TAS2R14: variants seen among roughly 807,000 people sequenced by gnomAD.
The protein encoded by TAS2R14 is taste receptor type 2 member 14.
For missense variants in TAS2R14, 383 were observed against 372.0 expected (o/e 1.03, Z -0.24); for synonymous variants, 131 against 131.0 (o/e 1.00, Z 0.00).
intron 4 of TAS2R14, chr12:10,938,702 G>C (rs1950337179): frequency 3.7e-6 from 6 of 1,613,810 alleles, no homozygotes. Context: ...AAAGTTACTT[G>C]AATCAGAACT....
chr12:10,938,409 C>T (rs1030589714), exon 1 of TAS2R14: 2 of 1,613,934 alleles, frequency 1.2e-6, no homozygotes, highest in Non-Finnish European at 1.7e-6. Flanking sequence ...ATTCCCATCA[C>T]CTGGGAAAGA....
chr12:10,937,794 C>G (rs3851585), exon 1 of TAS2R14: 3,011 of 152,596 alleles, frequency 0.02, 35 homozygotes, highest in South Asian at 0.031. Flanking sequence ...AAGCAAATTA[C>G]TTTTTTGCAT....
chr12:10,938,499 A>G (rs1836537118), exon 1 of TAS2R14: 1 of 1,613,972 alleles, frequency 6.2e-7, no homozygotes. Flanking sequence ...TAGAGTAGGA[A>G]GAAAGTGATC....
chr12:10,938,262 A>T, exon 1 of TAS2R14: 3 of 1,581,460 alleles, frequency 1.9e-6, no homozygotes, highest in Non-Finnish European at 2.6e-6. Flanking sequence ...ATTCAAGATG[A>T]TTCTCTAAAT....
chr12:10,938,708 G>A (rs1356632730), exon 1 of TAS2R14: 1 of 1,613,872 alleles, frequency 6.2e-7, no homozygotes, highest in East Asian at 2.2e-5. Context: ...ACTTGAATCA[G>A]AACTGCAAGT....
exon 1 of TAS2R14, chr12:10,938,305 C>G: frequency 6.2e-7 from 1 of 1,613,474 alleles, no homozygotes; most frequent in South Asian, 1.1e-5. Flanking sequence ...CATCTTTGAA[C>G]ATGTACCTCA....
chr12:10,939,152 A>G (rs772834622), exon 1 of TAS2R14: 8 of 1,602,474 alleles, frequency 5.0e-6, no homozygotes, highest in South Asian at 3.4e-5. Context: ...TAAATTTCCA[A>G]TTATAAATTC....
chr12:10,939,208 T>C (rs377396542), exon 1 of TAS2R14: 2 of 1,532,566 alleles, frequency 1.3e-6, no homozygotes, highest in Non-Finnish European at 1.8e-6. Flanking sequence ...CACCACCCAT[T>C]GCCTGTAAGA....
At chr12:10,938,381 T>C in exon 1 of TAS2R14, 1 of 1,613,824 alleles carries the variant, frequency 6.2e-7, no homozygotes, top group Non-Finnish European at 8.5e-7. Context: ...AACACATGAG[T>C]GACATGAAGG....
exon 5 of TAS2R14, chr12:10,938,285 G>C (rs982776314): frequency 6.2e-7 from 1 of 1,607,538 alleles, no homozygotes; most frequent in African/African-American, 1.3e-5. Flanking sequence ...TTTGTGACCT[G>C]AGGGCTCCCC....
At chr12:10,938,343 G>C (rs762552846) in exon 1 of TAS2R14, 124 of 1,613,886 alleles carry the variant, frequency 7.7e-5, no homozygotes, top group Non-Finnish European at 1.0e-4. Context: ...AGAGAGGCCT[G>C]TCTCAGCTTC....
chr12:10,938,016 T>C (rs1950317604), exon 1 of TAS2R14: 4 of 380,774 alleles, frequency 1.1e-5, no homozygotes, highest in Non-Finnish European at 1.9e-5. Flanking sequence ...AGGTGAATGA[T>C]TGATACAAAA....
rs765962799 is a variant in TAS2R14, at chr12:10,938,345, C to A, written c.863G>T (p.Arg288Ile). 1.2e-6 allele frequency: 2 copies of A among 1,613,926 alleles called. No individual in the cohort carries two copies. Among genetic ancestry groups the A allele is most frequent in the Non-Finnish European group, 1.7e-6 (2 of 1,179,946 alleles). Residue 288 changes from arginine to isoleucine, a missense_variant, in exon 1 of 1, where the codon AGA becomes ATA. Physicochemically the swap from Arg to Ile is moderately conservative, Grantham distance 97. Coordinates refer to ENST00000537503, the Ensembl canonical transcript of TAS2R14. ...CAGTAGCACTGACAGAGAGGCCTGT[C>A]TCAGCTTCTTGTTTCCAAGAATCAG...
At chr12:10,938,489 T>A in exon 1 of TAS2R14, 1 of 1,614,060 alleles carries the variant, frequency 6.2e-7, no homozygotes, top group Non-Finnish European at 8.5e-7. Context: ...GAAAATGGCA[T>A]AGAGTAGGAA....
At chr12:10,938,422 A>T (rs1460408030) in exon 1 of TAS2R14, 1 of 1,614,072 alleles carries the variant, frequency 6.2e-7, no homozygotes, top group Non-Finnish European at 8.5e-7. Flanking sequence ...GGGAAAGAAT[A>T]ATTAGATTTT....
chr12:10,937,856 A>C (rs1271400027), exon 1 of TAS2R14: 1 of 156,822 alleles, frequency 6.4e-6, no homozygotes, highest in Admixed American at 6.5e-5. Flanking sequence ...CACTTAATAT[A>C]GGTACTAAAA....
exon 1 of TAS2R14, chr12:10,938,901 G>A (rs772575816): frequency 1.2e-6 from 2 of 1,613,824 alleles, no homozygotes; most frequent in Admixed American, 3.3e-5. Flanking sequence ...AAAGTACCGA[G>A]GCCTGTAGCT....
At chr12:10,939,198 C>T (rs751852271) in exon 1 of TAS2R14, 3 of 1,563,576 alleles carry the variant, frequency 1.9e-6, no homozygotes, top group Admixed American at 3.6e-5. Flanking sequence ...CTCTTTATGA[C>T]ACCACCCATT....
chr12:10,938,542 G>A lies in TAS2R14; in HGVS notation c.666C>T (p.Ala222=), dbSNP rs761949340. ...TAACTCCTCTGTGGGCTTTGGTGCTGGCGTCTCCGGATATTTTGACAGTGT... is the reference window on the plus strand; with the variant it reads ...TAACTCCTCTGTGGGCTTTGGTGCTAGCGTCTCCGGATATTTTGACAGTGT... Residue 222 remains alanine (A), a synonymous_variant, in exon 1 of 1, where the codon GCC becomes GCT. Transcript: ENST00000537503. 1.9e-6 allele frequency: 3 copies of A among 1,614,014 alleles called. No individual in the cohort carries two copies. In the Admixed American group the frequency reaches 5.0e-5, roughly 27 times the overall value.
Sources: allele counts gnomAD v4.1 joint callset, GRCh38; gene constraint gnomAD v4.1.1; transcripts MANE v1.5; gene names NCBI Gene and HGNC (gene_info 2026-07-23, HGNC 2026-07-21).